The following NRXN3 variants were observed in gnomAD, a reference collection of about 807,000 sequenced individuals.
The protein encoded by NRXN3 is neurexin III.
In NRXN3, 32 loss-of-function variants were observed where a neutral mutation model predicts 137.6. The ratio of observed to expected loss-of-function variants is 0.23; its 90% CI spans 0.18 to 0.31. The LOEUF (loss-of-function observed/expected upper bound fraction) is 0.31, where lower values mean the gene tolerates loss of function less well. NRXN3 is among the 10% of genes least tolerant of loss of function. NRXN3 has a pLI of 1.00. For synonymous variants in NRXN3, 798 were observed against 784.5 expected, an observed-to-expected ratio of 1.02 and a Z score of -0.29; for missense variants, 1,574 against 2,062.5, an observed-to-expected ratio of 0.76 and a Z score of 4.59.
At chr14:79,578,552 G>A (rs1421219515) in intron 16 of NRXN3, among the ~76,000 whole-genome samples, 1 of 152,144 alleles carries the variant, frequency 6.6e-6, no homozygotes, top group Non-Finnish European at 1.5e-5. Context: ...ATTCTGGCAT[G>A]GCAGCACCCA....
rs1409654028 is a variant in NRXN3, at chr14:79,697,863, A to C, written c.3940A>C (p.Thr1314Pro). 5.6e-6 allele frequency: 9 copies of C among 1,613,182 alleles called. No homozygotes were observed. Among genetic ancestry groups the C allele is most frequent in the Non-Finnish European group, 7.6e-6 (9 of 1,179,484 alleles). The stretch of plus-strand genomic sequence containing the variant: ...GACCTCCATGCCACCAGAAATGTCT[A>C]CTACTGTCATGGAAACCACTACTAC... The part of the protein sequence containing the change: ...QTTSMPPEMS[T>P]TVMETTTTMA... The change falls in exon 19 of 21, where the codon ACT becomes CCT. Residue 1314 changes from threonine to proline, a missense_variant. Physicochemically the swap from Thr to Pro is conservative, Grantham distance 38 (BLOSUM62 -1). Coordinates refer to ENST00000335750, the MANE Select transcript of NRXN3 (RefSeq NM_001330195.2).
At chr14:79,499,682 T>C (rs1186707821) in intron 16 of NRXN3, among the ~76,000 whole-genome samples, 2 of 152,182 alleles carry the variant, frequency 1.3e-5, no homozygotes, top group Non-Finnish European at 1.5e-5. Context: ...GAGCAATGAA[T>C]GTTTTTGTGA....
intron 16 of NRXN3, among the ~76,000 whole-genome samples, chr14:79,494,020 G>T (rs989636745): frequency 6.6e-6 from 1 of 152,126 alleles, no homozygotes; most frequent in African/African-American, 2.4e-5. Context: ...CATGGTAGGT[G>T]TTCCATCAAT....
intron 10 of NRXN3, among the ~76,000 whole-genome samples, chr14:78,932,836 C>G (rs762152617): frequency 5.3e-5 from 8 of 152,082 alleles, no homozygotes; most frequent in African/African-American, 1.7e-4. Context: ...TGAAGTAGAA[C>G]CCTGTATAAA....
At chr14:78,595,384 ACAGTC>A (rs1285608328) in intron 4 of NRXN3, among the ~76,000 whole-genome samples, 1 of 152,174 alleles carries the variant, frequency 6.6e-6, no homozygotes, top group African/African-American at 2.4e-5. Context: ...TTGAGCTAGT[ACAGTC>A]CTGTGCACTC....
intron 16 of NRXN3, among the ~76,000 whole-genome samples, chr14:79,470,951 AGTGTGTGTGTGTGTGT>A (rs371413883): frequency 2.1e-4 from 24 of 116,514 alleles, no homozygotes; most frequent in Non-Finnish European, 2.9e-4. Flanking sequence ...AGAGAGAGAG[AGTGTGTGTGTGTGTGT>A]GTGTGTGTGT....
At chr14:78,269,215 G>A (rs1024197035) in intron 2 of NRXN3, among the ~76,000 whole-genome samples, 2 of 152,194 alleles carry the variant, frequency 1.3e-5, no homozygotes, top group Non-Finnish European at 2.9e-5. Context: ...CAGGGCTTCT[G>A]TAACTAAAAT....
In NRXN3 at chr14:78,731,480, T is replaced by C. The variant is rs1301018027; in HGVS notation, c.2044+16341T>C. ...TACCTGAATACAAAACCTGTGGTGG[T>C]TCTACAAAACGCATTTCATGATAAA... On this transcript the variant is annotated intron_variant, in intron 8 of 20. Transcript: ENST00000335750. Among the ~76,000 whole-genome samples the C allele has an allele frequency of 2.6e-5, 4 of 152,148 alleles. No individual in the cohort carries two copies. In the East Asian group the frequency reaches 7.7e-4, roughly 29 times the overall value.
intron 15 of NRXN3, among the ~76,000 whole-genome samples, chr14:79,088,905 G>A (rs1425285606): frequency 2.0e-5 from 3 of 152,106 alleles, no homozygotes; most frequent in African/African-American, 7.2e-5. Flanking sequence ...TTCTGGACAT[G>A]TAGGCTATTT....
intron 15 of NRXN3, chr14:79,072,159 C>T (rs2099688698): frequency 6.6e-6 from 1 of 152,134 alleles, no homozygotes; most frequent in Non-Finnish European, 1.5e-5. Flanking sequence ...TATTTTTAAA[C>T]AGCCATTCAA....
intron 10 of NRXN3, among the ~76,000 whole-genome samples, chr14:78,921,999 C>T (rs17757879): frequency 0.11 from 16,513 of 152,166 alleles, 1,231 homozygotes; most frequent in Non-Finnish European, 0.16. Context: ...TTTATCTCAT[C>T]CTCCTTGACT....
intron 15 of NRXN3, among the ~76,000 whole-genome samples, chr14:79,443,348 T>C (rs1227133951): frequency 6.6e-6 from 1 of 152,232 alleles, no homozygotes; most frequent in African/African-American, 2.4e-5. Context: ...CTCTTTTTTT[T>C]CCTGTGTCTT....
At chr14:79,006,251 A>G (rs888400159) in intron 15 of NRXN3, among the ~76,000 whole-genome samples, 15 of 120,734 alleles carry the variant, frequency 1.2e-4, no homozygotes, top group African/African-American at 9.5e-4. Flanking sequence ...TGCAGATTCA[A>G]TGAATATTTT....
chr14:78,471,389 C>T (rs2095268857), intron 4 of NRXN3, among the ~76,000 whole-genome samples: 1 of 151,826 alleles, frequency 6.6e-6, no homozygotes, highest in South Asian at 2.1e-4. Context: ...AGTCATGCAG[C>T]AATGACCGTC....
At chr14:78,744,746 G>A (rs963394310) in intron 8 of NRXN3, 1 of 152,032 alleles carries the variant, frequency 6.6e-6, no homozygotes, top group Non-Finnish European at 1.5e-5. Context: ...GATAGTTTCT[G>A]CTCTGTTCAC....
intron 20 of NRXN3, among the ~76,000 whole-genome samples, chr14:79,840,050 A>T (rs751209020): frequency 6.6e-6 from 1 of 152,126 alleles, no homozygotes; most frequent in South Asian, 2.1e-4. Flanking sequence ...TACCCAAGGA[A>T]TTTTATCTCC....
chr14:79,863,412 A>G lies in NRXN3; in HGVS notation c.*1448A>G, dbSNP rs1372333342. 6.6e-6 allele frequency: 1 copy of G among 152,120 alleles called. No individual in the cohort carries two copies. The highest frequency in any genetic ancestry group is 2.4e-5 in the African/African-American group (1 of 41,380). The allele number at this position is 152,120 out of a possible 1,614,324, so 9.4% of individuals were successfully genotyped here. ...TGTTAAAGTCTTAAAATGGAATGAG[A>G]ATGTTGTTTTAAAAGAAAATAGCAA... On this transcript the variant is annotated 3_prime_UTR_variant, in exon 21 of 21. Transcript: ENST00000335750.
chr14:78,480,559 A>G (rs915293745), intron 4 of NRXN3, among the ~76,000 whole-genome samples: 1 of 152,198 alleles, frequency 6.6e-6, no homozygotes, highest in Non-Finnish European at 1.5e-5. Context: ...TTGTTTTCAC[A>G]GTTGACCTGA....
chr14:79,587,102 T>A (rs1385522495), intron 16 of NRXN3, among the ~76,000 whole-genome samples: 1 of 152,176 alleles, frequency 6.6e-6, no homozygotes, highest in Non-Finnish European at 1.5e-5. Flanking sequence ...TGTGCCAGAC[T>A]TTCACGGGGA....
Sources: allele counts gnomAD v4.1 joint callset (sites outside exome capture counted in the v4.1 genomes callset), GRCh38; gene constraint gnomAD v4.1.1; transcripts MANE v1.5; gene names NCBI Gene and HGNC (gene_info 2026-07-23, HGNC 2026-07-21).